The following ADAM22 variants were observed in gnomAD, a reference collection of about 807,000 sequenced individuals.
The protein encoded by ADAM22 is ADAM metallopeptidase domain 22.
ADAM22 carries 65 observed loss-of-function variants against 144.6 expected under a neutral mutation model. That is an observed-to-expected ratio of 0.45 (90% CI 0.37 to 0.55). ADAM22 has a LOEUF of 0.55. Among genes scored for constraint, ADAM22 ranks in the 20% least tolerant of loss-of-function variants. The pLI is 0.00. For missense variants in ADAM22, 974 were observed against 1,184.9 expected, an observed-to-expected ratio of 0.82 and a Z score of 2.61; for synonymous variants, 391 against 412.6, an observed-to-expected ratio of 0.95 and a Z score of 0.63.
chr7:88,073,366 T>TA (rs1813334246), intron 3 of ADAM22, among the ~76,000 whole-genome samples: 1 of 152,172 alleles, frequency 6.6e-6, no homozygotes, highest in African/African-American at 2.4e-5. Flanking sequence ...AGGAGCCAGT[T>TA]AAGAGAGCCC....
At chr7:88,092,340 G>A (rs1039578424) in intron 4 of ADAM22, among the ~76,000 whole-genome samples, 2 of 152,154 alleles carry the variant, frequency 1.3e-5, no homozygotes, top group Non-Finnish European at 2.9e-5. Flanking sequence ...CAGGAAGAGA[G>A]TAAAAGAGCC....
intron 2 of ADAM22, among the ~76,000 whole-genome samples, chr7:87,944,900 CCTTCTT>C (rs10589870): frequency 6.6e-4 from 94 of 142,968 alleles, no homozygotes; most frequent in African/African-American, 2.5e-3. Context: ...CCTCCTCCTT[CCTTCTT>C]CTTCTTCCTT....
intron 4 of ADAM22, among the ~76,000 whole-genome samples, chr7:88,101,906 G>T (rs1377507426): frequency 6.6e-6 from 1 of 152,194 alleles, no homozygotes; most frequent in East Asian, 1.9e-4. Context: ...TTCTGAGGAA[G>T]TCTATAGGGA....
rs140814177 is a variant in ADAM22 at position 88,173,171 on chromosome 7, C to A, written c.2300+1610C>A. The stretch of plus-strand genomic sequence containing the variant: ...AATATTGAAAAGTATGCACAAATTT[C>A]TTGTTCTAACTCAATATGTAGAGAG... On this transcript the variant is annotated intron_variant, in intron 26 of 31. Coordinates refer to ENST00000413139, the MANE Select transcript of ADAM22 (RefSeq NM_001324418.2). Among the ~76,000 whole-genome samples, 767 of 152,074 alleles carry A rather than the reference C, an allele frequency of 5.0e-3. 4 individuals are homozygous for A. The highest frequency in any genetic ancestry group is 0.018 in the African/African-American group (748 of 41,540).
chr7:88,150,657 T>C (rs1168421183), intron 18 of ADAM22, among the ~76,000 whole-genome samples: 1 of 152,224 alleles, frequency 6.6e-6, no homozygotes, highest in African/African-American at 2.4e-5. Flanking sequence ...GTATCATTAA[T>C]TGAGTCTATG....
At chr7:88,063,008 C>T (rs2129477143) in intron 3 of ADAM22, among the ~76,000 whole-genome samples, 1 of 152,214 alleles carries the variant, frequency 6.6e-6, no homozygotes, top group East Asian at 1.9e-4. Context: ...ATCACCATAA[C>T]AGGTAAATTA....
At chr7:87,982,060 T>TACAC (rs1325628045) in intron 3 of ADAM22, among the ~76,000 whole-genome samples, 150 of 120,408 alleles carry the variant, frequency 1.2e-3, no homozygotes, top group Non-Finnish European at 1.6e-3. Context: ...TATATATATA[T>TACAC]ATATATATAC....
chr7:88,112,854 T>C (rs1289941459), intron 5 of ADAM22, among the ~76,000 whole-genome samples: 1 of 152,164 alleles, frequency 6.6e-6, no homozygotes, highest in Non-Finnish European at 1.5e-5. Flanking sequence ...ACTACAGGTG[T>C]GTGCATCACC....
intron 3 of ADAM22, among the ~76,000 whole-genome samples, chr7:87,990,672 T>C (rs778483340): frequency 4.5e-4 from 68 of 151,044 alleles, no homozygotes; most frequent in Non-Finnish European, 7.7e-4. Context: ...CTTTTCTTCT[T>C]TTTTTTTTGA....
intron 3 of ADAM22, 77 bp downstream of exon 3, chr7:87,978,489 T>TA (rs1264458946): frequency 2.7e-5 from 33 of 1,223,780 alleles, no homozygotes; most frequent in Non-Finnish European, 3.7e-5. Flanking sequence ...AGTTTTTTCT[T>TA]ACTATATTTT....
chr7:88,151,227 C>A lies in ADAM22; in HGVS notation c.1618-30C>A, dbSNP rs200865142. ...TATCTGACATAAGCAGATATTGCAT[C>A]GCTAATGGGTATTTGCTTTTCCGTT... On this transcript the variant is annotated intron_variant, in intron 19 of 31. Coordinates refer to ENST00000413139, the MANE Select transcript of ADAM22 (RefSeq NM_001324418.2). The A allele has an allele frequency of 7.3e-5, 118 of 1,612,988 alleles. 1 individual carries two copies. In the African/African-American group the frequency reaches 1.3e-3, roughly 17 times the overall value.
chr7:88,142,578 C>T (rs1172420396), intron 14 of ADAM22, among the ~76,000 whole-genome samples: 1 of 152,146 alleles, frequency 6.6e-6, no homozygotes, highest in Non-Finnish European at 1.5e-5. Context: ...GTGGCTCACA[C>T]CTGTAATCCC....
At chr7:88,029,998 T>C (rs1209923305) in intron 3 of ADAM22, among the ~76,000 whole-genome samples, 2 of 152,150 alleles carry the variant, frequency 1.3e-5, no homozygotes, top group African/African-American at 4.8e-5. Context: ...TGTAGTTAAG[T>C]ATTGATATCT....
At chr7:88,070,454 C>T (rs550737314) in intron 3 of ADAM22, among the ~76,000 whole-genome samples, 1 of 152,276 alleles carries the variant, frequency 6.6e-6, no homozygotes, top group East Asian at 1.9e-4. Context: ...TACTCTTGAC[C>T]TTGAGATTAC....
At chr7:88,021,458 A>G (rs2129466169) in intron 3 of ADAM22, among the ~76,000 whole-genome samples, 1 of 152,358 alleles carries the variant, frequency 6.6e-6, no homozygotes, top group Non-Finnish European at 1.5e-5. Context: ...TATGACACAT[A>G]TCCTGTTTCT....
chr7:88,154,489 T>C (rs1027577736), intron 21 of ADAM22, among the ~76,000 whole-genome samples: 1 of 152,182 alleles, frequency 6.6e-6, no homozygotes, highest in African/African-American at 2.4e-5. Flanking sequence ...TTTCTATATA[T>C]AAATTTCTTT....
chr7:88,109,384 AC>A (rs1156728557), intron 5 of ADAM22, among the ~76,000 whole-genome samples: 2 of 151,884 alleles, frequency 1.3e-5, no homozygotes, highest in Non-Finnish European at 2.9e-5. Context: ...TTGTTTTGTA[AC>A]CCCTTATAAA....
At chr7:88,012,824 G>C (rs866094778) in intron 3 of ADAM22, among the ~76,000 whole-genome samples, 4 of 152,236 alleles carry the variant, frequency 2.6e-5, no homozygotes, top group South Asian at 2.1e-4. Context: ...TAGAAGGCTA[G>C]AGGAGTCTGT....
Position 88,202,595 on chromosome 7 carries a change from A to G in ADAM22, c.*6104A>G, listed in dbSNP as rs1851277436. On this transcript the variant is annotated 3_prime_UTR_variant, in exon 32 of 32. Coordinates refer to ENST00000413139, the MANE Select transcript of ADAM22 (RefSeq NM_001324418.2). ...GCTACTCTGCACTTCAGGTTCGTTA[A>G]GCTATTTTAATAATTACTGGGGTTA... is the stretch of plus-strand genomic sequence containing the variant. The G allele has an allele frequency of 1.3e-5, 2 of 152,216 alleles. No homozygotes were observed. Among genetic ancestry groups the G allele is most frequent in the African/African-American group, 4.8e-5 (2 of 41,452 alleles). The allele number at this position is 152,216 out of a possible 1,614,324, so 9.4% of individuals were successfully genotyped here.
Sources: allele counts gnomAD v4.1 joint callset (sites outside exome capture counted in the v4.1 genomes callset), GRCh38; gene constraint gnomAD v4.1.1; transcripts MANE v1.5; gene names NCBI Gene and HGNC (gene_info 2026-07-23, HGNC 2026-07-21).